Variants in MCF2 observed in about 807,000 individuals in gnomAD.
The protein encoded by MCF2 is MCF.2 cell line derived transforming sequence, also known as proto-oncogene DBL.
A neutral mutation model predicts 82.5 loss-of-function variants in MCF2; 44 were observed. The ratio of observed to expected loss-of-function variants is 0.53; its 90% CI spans 0.42 to 0.69. MCF2 has a LOEUF of 0.69. Ranked by LOEUF, MCF2 falls within the 30% of genes least tolerant of loss-of-function variation. The pLI is 0.00. For missense variants in MCF2, 623 were observed against 663.1 expected (o/e 0.94, Z 0.66); for synonymous variants, 217 against 224.9 (o/e 0.96, Z 0.32).
At chrX:139,696,177 T>A (rs1935374164) in intron 1 of MCF2, among the ~76,000 whole-genome samples, 1 of 111,728 alleles carries the variant, frequency 9.0e-6, no homozygotes, top group South Asian at 3.8e-4. Context: ...TCTAATGTGA[T>A]GTGGTAAGGT....
chrX:139,621,465 T>C (rs990978300), intron 6 of MCF2, among the ~76,000 whole-genome samples: 1 of 111,362 alleles, frequency 9.0e-6, no homozygotes, highest in Non-Finnish European at 1.9e-5. Flanking sequence ...AAAAATCTAA[T>C]ATCCAGAATC....
chrX:139,597,227 C>T (rs1930176932), intron 18 of MCF2, among the ~76,000 whole-genome samples: 1 of 111,399 alleles, frequency 9.0e-6, no homozygotes, highest in Admixed American at 9.6e-5. Flanking sequence ...TAAGCAGGAT[C>T]TCCCAGGTCT....
intron 1 of MCF2, among the ~76,000 whole-genome samples, chrX:139,666,807 C>A (rs1048350644): frequency 2.7e-5 from 3 of 111,848 alleles, no homozygotes; most frequent in African/African-American, 6.5e-5. Context: ...ATTTTCTAAT[C>A]TCTTCATTTT....
intron 2 of MCF2, among the ~76,000 whole-genome samples, chrX:139,650,476 T>C (rs746192498): frequency 2.8e-3 from 285 of 103,616 alleles, no homozygotes; most frequent in Non-Finnish European, 5.1e-3. Context: ...AGAGAATTAA[T>C]TAAACTATTT....
At chrX:139,612,254 A>C (rs1931554088) in intron 10 of MCF2, among the ~76,000 whole-genome samples, 1 of 110,756 alleles carries the variant, frequency 9.0e-6, no homozygotes, top group Non-Finnish European at 1.9e-5. Flanking sequence ...AAGAGTAGAA[A>C]GATTGCAGGA....
chrX:139,706,322 A>C (rs1404550096), intron 1 of MCF2, among the ~76,000 whole-genome samples: 1 of 112,672 alleles, frequency 8.9e-6, no homozygotes, highest in Non-Finnish European at 1.9e-5. Flanking sequence ...CCAGGTTCCC[A>C]TCAGTGGTAA....
At chrX:139,650,265 G>A (rs1429220423) in intron 2 of MCF2, among the ~76,000 whole-genome samples, 1 of 111,439 alleles carries the variant, frequency 9.0e-6, no homozygotes, top group African/African-American at 3.3e-5. Flanking sequence ...GAGGTGGAAG[G>A]ATCACTTGAA....
chrX:139,647,159 C>T, upstream of MCF2, among the ~76,000 whole-genome samples: 1 of 111,754 alleles, frequency 8.9e-6, no homozygotes, highest in East Asian at 2.8e-4. Flanking sequence ...TCATGAAATG[C>T]ATATAATAAA....
At chrX:139,628,009 C>A (rs1254947866) in intron 4 of MCF2, among the ~76,000 whole-genome samples, 2 of 111,854 alleles carry the variant, frequency 1.8e-5, no homozygotes, top group African/African-American at 6.5e-5. Flanking sequence ...GAAAAGGGAA[C>A]ACTGACACAT....
chrX:139,700,267 C>G (rs1935463062), intron 1 of MCF2, among the ~76,000 whole-genome samples: 1 of 111,004 alleles, frequency 9.0e-6, no homozygotes, highest in Admixed American at 9.6e-5. Context: ...TCCTCCTTTT[C>G]CATCCAAGCC....
intron 1 of MCF2, among the ~76,000 whole-genome samples, chrX:139,668,572 C>T (rs939370599): frequency 1.2e-4 from 13 of 111,562 alleles, no homozygotes; most frequent in African/African-American, 3.9e-4. Flanking sequence ...CAGCTGCCTG[C>T]CAATCCCGGC....
chrX:139,690,145 T>C (rs1935223437), intron 1 of MCF2, among the ~76,000 whole-genome samples: 1 of 111,129 alleles, frequency 9.0e-6, no homozygotes, highest in Admixed American at 9.6e-5. Flanking sequence ...TGGTGTCATT[T>C]AGGTGTTATG....
intron 6 of MCF2, among the ~76,000 whole-genome samples, chrX:139,624,064 C>T (rs1932605101): frequency 9.0e-6 from 1 of 111,216 alleles, no homozygotes; most frequent in Non-Finnish European, 1.9e-5. Context: ...CAACAACACC[C>T]TGAATAGGTA....
At chrX:139,687,079 T>C (rs868356627) in intron 1 of MCF2, among the ~76,000 whole-genome samples, 4 of 89,974 alleles carry the variant, frequency 4.4e-5, no homozygotes, top group African/African-American at 1.1e-4. Flanking sequence ...CACACACACA[T>C]ATGCAAACAC....
chrX:139,658,665 G>GTGT (rs1934264540), intron 1 of MCF2, among the ~76,000 whole-genome samples: 1 of 86,869 alleles, frequency 1.2e-5, no homozygotes, highest in African/African-American at 4.9e-5. Flanking sequence ...AAAAAAAGAT[G>GTGT]TGTTTTTTTT....
At chrX:139,659,065 G>A (rs1452845399) in intron 1 of MCF2, among the ~76,000 whole-genome samples, 8 of 111,139 alleles carry the variant, frequency 7.2e-5, no homozygotes, top group South Asian at 3.8e-4. Context: ...CGAGGCAGGC[G>A]GATCACGAGG....
chrX:139,595,780 G>A (rs1321760063), intron 19 of MCF2, among the ~76,000 whole-genome samples: 1 of 110,366 alleles, frequency 9.1e-6, no homozygotes, highest in African/African-American at 3.3e-5. Flanking sequence ...TTCAAAAGAT[G>A]AAATGCATTA....
upstream of MCF2, among the ~76,000 whole-genome samples, chrX:139,646,356 A>T (rs1007541878): frequency 1.9e-4 from 21 of 111,778 alleles, no homozygotes; most frequent in African/African-American, 4.5e-4. Flanking sequence ...AGTTCCAAAT[A>T]ATTTTTAATT....
intron 4 of MCF2, 110 bp downstream of exon 7, chrX:139,629,585 A>C: frequency 1.5e-6 from 1 of 685,556 alleles, no homozygotes; most frequent in Non-Finnish European, 2.2e-6. Flanking sequence ...ATATTACATA[A>C]ATGTCTTTTA....
Sources: allele counts gnomAD v4.1 joint callset (sites outside exome capture counted in the v4.1 genomes callset), GRCh38; gene constraint gnomAD v4.1.1; transcripts MANE v1.5; gene names NCBI Gene and HGNC (gene_info 2026-07-23, HGNC 2026-07-21).